The following SLC9B1 variants were observed in gnomAD, a reference collection of about 807,000 sequenced individuals.
SLC9B1 encodes the protein sodium/hydrogen exchanger 9B1.
Under a neutral mutation model 51.7 loss-of-function variants are expected in SLC9B1, and 32 were observed. That is an observed-to-expected ratio of 0.62 (90% CI 0.47 to 0.83). The LOEUF (loss-of-function observed/expected upper bound fraction) is 0.83. SLC9B1 is among the 40% of genes least tolerant of loss of function. The pLI is 0.00. For missense variants in SLC9B1, 406 were observed against 613.2 expected, an observed-to-expected ratio of 0.66 and a Z score of 3.57; for synonymous variants, 145 against 212.7, an observed-to-expected ratio of 0.68 and a Z score of 2.77.
At chr4:102,946,528 T>A in intron 5 of SLC9B1, 119 bp downstream of exon 5, 1 of 1,159,362 alleles carries the variant, frequency 8.6e-7, no homozygotes, top group Non-Finnish European at 1.2e-6. Context: ...TTTTTCTTTA[T>A]CTTAGGTTTG....
At chr4:102,904,101 C>G (rs1734915237) in intron 11 of SLC9B1, among the ~76,000 whole-genome samples, 1 of 151,778 alleles carries the variant, frequency 6.6e-6, no homozygotes, top group African/African-American at 2.4e-5. Flanking sequence ...TTTTGTCACC[C>G]AAGCTGGAGT....
intron 3 of SLC9B1, among the ~76,000 whole-genome samples, chr4:102,958,992 AGTAAT>A (rs1737946231): frequency 6.6e-6 from 1 of 152,204 alleles, no homozygotes; most frequent in African/African-American, 2.4e-5. Context: ...TGAAAGAAGC[AGTAAT>A]GTAAGAAAAG....
intron 3 of SLC9B1, among the ~76,000 whole-genome samples, chr4:102,958,258 A>G (rs1203023466): frequency 1.3e-5 from 2 of 151,784 alleles, no homozygotes; most frequent in Non-Finnish European, 2.9e-5. Flanking sequence ...AGATCTCGTC[A>G]TTTAAAAGTG....
intron 11 of SLC9B1, among the ~76,000 whole-genome samples, chr4:102,903,600 T>G (rs567841839): frequency 4.5e-4 from 69 of 152,182 alleles, no homozygotes; most frequent in African/African-American, 1.6e-3. Context: ...ATAATAGAGG[T>G]TTTTTTTGCA....
intron 7 of SLC9B1, among the ~76,000 whole-genome samples, chr4:102,926,532 A>G (rs1375363835): frequency 6.6e-6 from 1 of 152,236 alleles, no homozygotes; most frequent in Non-Finnish European, 1.5e-5. Context: ...TAGGAATCCA[A>G]CTTACAAGGG....
At chr4:102,885,974 A>G (rs185370987) in intron 11 of SLC9B1, among the ~76,000 whole-genome samples, 61 of 152,314 alleles carry the variant, frequency 4.0e-4, no homozygotes, top group African/African-American at 1.4e-3. Flanking sequence ...TAAGTACTAT[A>G]AGTAGTTGAC....
At chr4:102,992,889 G>C (rs1237568918) in intron 1 of SLC9B1, among the ~76,000 whole-genome samples, 1 of 152,160 alleles carries the variant, frequency 6.6e-6, no homozygotes, top group Non-Finnish European at 1.5e-5. Flanking sequence ...TCATACTGGA[G>C]GGGACCTCTT....
intron 3 of SLC9B1, among the ~76,000 whole-genome samples, chr4:102,987,108 T>C (rs1455354564): frequency 1.3e-5 from 2 of 152,110 alleles, no homozygotes; most frequent in Non-Finnish European, 2.9e-5. Context: ...GGTGTGTGTG[T>C]TGGGGGTGGG....
chr4:103,004,178 T>A (rs1290162076), intron 1 of SLC9B1, among the ~76,000 whole-genome samples: 1 of 152,104 alleles, frequency 6.6e-6, no homozygotes, highest in Non-Finnish European at 1.5e-5. Context: ...AATGCAAGGA[T>A]TCTAAGGAAT....
chr4:103,014,853 A>G (rs1741241015), intron 1 of SLC9B1: 1 of 152,194 alleles, frequency 6.6e-6, no homozygotes, highest in Admixed American at 6.5e-5. Context: ...TGTGATTAAT[A>G]ATTCTGCCAC....
At chr4:102,918,838 T>G (rs1735718102) in intron 7 of SLC9B1, among the ~76,000 whole-genome samples, 1 of 152,216 alleles carries the variant, frequency 6.6e-6, no homozygotes, top group African/African-American at 2.4e-5. Flanking sequence ...GCCTAAGGTA[T>G]TTTGTTATAG....
intron 3 of SLC9B1, among the ~76,000 whole-genome samples, chr4:102,982,224 G>C (rs2110511137): frequency 6.6e-6 from 1 of 151,920 alleles, no homozygotes; most frequent in African/African-American, 2.4e-5. Context: ...ATATTTTTGT[G>C]GGTCTATTTC....
rs777927388 is a variant in SLC9B1, at chr4:102,885,465, G to T, written c.1333-137C>A. 4.5e-6 allele frequency: 7 copies of T among 1,540,190 alleles called. 1 individual carries two copies. Among genetic ancestry groups the T allele is most frequent in the Middle Eastern group, 1.7e-4 (1 of 5,724 alleles). On this transcript the variant is annotated intron_variant, in intron 11 of 11. Transcript: ENST00000394789. ...CTGTTTACGTGTACACTAAAATTTT[G>T]CAGTGCTAGGATTGTTTCGCCTCTT...
intron 3 of SLC9B1, among the ~76,000 whole-genome samples, chr4:102,977,105 G>T (rs1273716840): frequency 1.3e-5 from 2 of 151,818 alleles, no homozygotes; most frequent in Non-Finnish European, 2.9e-5. Flanking sequence ...AGTTGTGATG[G>T]TGCCACTGTA....
chr4:102,937,047 A>G (rs181351308), intron 6 of SLC9B1, among the ~76,000 whole-genome samples: 16 of 152,316 alleles, frequency 1.1e-4, no homozygotes, highest in African/African-American at 3.8e-4. Context: ...TCAGGCTAAC[A>G]GTGGAACTGT....
chr4:102,975,584 A>AT lies in SLC9B1; in HGVS notation c.211+14215dup, dbSNP rs1466561136. 1.8e-3 allele frequency among the ~76,000 whole-genome samples: 143 copies of AT among 80,138 alleles called. 3 individuals are homozygous for AT. Among genetic ancestry groups the AT allele is most frequent in the South Asian group, 2.5e-3 (6 of 2,384 alleles). The allele number at this position is 80,138 out of a possible 152,430, so 52.6% of individuals were successfully genotyped here. A position where few individuals can be genotyped will look rare whatever the true frequency, so the allele number is the denominator to read the frequency against. ...TATATACATATATATATATATATAT[A>AT]TATTTTTTTTTTTTTTTTTTTTTTT... On this transcript the variant is annotated intron_variant, in intron 3 of 11. Coordinates refer to ENST00000296422, the MANE Select transcript of SLC9B1 (RefSeq NM_139173.4).
chr4:103,011,660 T>A (rs575741567), intron 1 of SLC9B1, among the ~76,000 whole-genome samples: 1 of 152,278 alleles, frequency 6.6e-6, no homozygotes, highest in East Asian at 1.9e-4. Context: ...TAGCCATGAC[T>A]ACAGACTTAG....
intron 11 of SLC9B1, among the ~76,000 whole-genome samples, chr4:102,903,775 T>C (rs1734896856): frequency 6.6e-6 from 1 of 152,154 alleles, no homozygotes; most frequent in African/African-American, 2.4e-5. Context: ...AGGTTTCCCT[T>C]TCTGTTCATT....
chr4:102,909,565 T>C (rs1047925943), intron 9 of SLC9B1, among the ~76,000 whole-genome samples: 7 of 152,228 alleles, frequency 4.6e-5, no homozygotes, highest in South Asian at 4.1e-4. Context: ...ATTATGCTAC[T>C]GCACTCCAGC....
Sources: gnomAD v4.1 joint callset for allele counts (sites outside exome capture counted in the v4.1 genomes callset) on GRCh38, gnomAD v4.1.1 for gene constraint, MANE v1.5 for transcripts, NCBI Gene and HGNC (gene_info 2026-07-23, HGNC 2026-07-21) for gene names.